UGT3A1: variants seen among roughly 807,000 people sequenced by gnomAD.
UGT3A1 encodes UDP-glycosyltransferase 3A1.
In UGT3A1, 40 loss-of-function variants were observed where a neutral mutation model predicts 37.6. The observed-to-expected ratio is 1.06, with a 90% CI of 0.83 to 1.38. UGT3A1 has a LOEUF of 1.38. Ranked by LOEUF, UGT3A1 falls within the 40% of genes most tolerant of loss-of-function variation. The probability of loss-of-function intolerance (pLI) is 0.00; values close to 1 mark genes in which losing one functional copy is unlikely to be tolerated. For synonymous variants in UGT3A1, 256 were observed against 232.3 expected (o/e 1.10, Z -0.93); for missense variants, 642 against 634.2 (o/e 1.01, Z -0.13).
intron 2 of UGT3A1, among the ~76,000 whole-genome samples, chr5:35,976,345 C>G (rs961046619): frequency 6.6e-6 from 1 of 152,122 alleles, no homozygotes; most frequent in Non-Finnish European, 1.5e-5. Context: ...TAGGGCATCT[C>G]TAAGTATTAA....
rs372069431 is a variant in UGT3A1 at position 35,991,185 on chromosome 5, A to T, written c.56T>A (p.Leu19His). ...TGTCAGGATTTTGGCAGCCTCTGAG[A>T]GCAGGACCCCAGAAAGAAGGAAGGC... is the stretch of plus-strand genomic sequence containing the variant. ...LVAFLLSGVL[L>H]SEAAKILTIS... Residue 19 changes from leucine to histidine, a missense_variant, in exon 1 of 7, where the codon CTC (leucine) becomes CAC (histidine). Transcript: ENST00000274278. The T allele has an allele frequency of 2.2e-5, 36 of 1,614,092 alleles. No individual in the cohort carries two copies. The African/African-American group carries it at 4.0e-4, about 18-fold the overall frequency.
chr5:35,956,136 CTCCA>C (rs1256687566), intron 5 of UGT3A1, among the ~76,000 whole-genome samples: 5 of 152,334 alleles, frequency 3.3e-5, no homozygotes, highest in Middle Eastern at 3.4e-3. Flanking sequence ...AGGCATATTT[CTCCA>C]TCCATGCAGC....
At chr5:35,969,114 A>G (rs1293555894) in intron 2 of UGT3A1, among the ~76,000 whole-genome samples, 1 of 152,176 alleles carries the variant, frequency 6.6e-6, no homozygotes. Flanking sequence ...CATTGTAAAG[A>G]GCACTCAGGG....
chr5:35,990,955 T>C lies in UGT3A1; in HGVS notation c.94+192A>G, dbSNP rs894054261. ...GGAGAGTGTCTTTTCTCAAAAACTG[T>C]CTTCCTCACCTCAGCAATAGAGGCC... is the stretch of plus-strand genomic sequence containing the variant. On this transcript the variant is annotated intron_variant, in intron 1 of 6. Coordinates refer to ENST00000274278, the MANE Select transcript of UGT3A1 (RefSeq NM_152404.4). The C allele has an allele frequency of 6.1e-6, 9 of 1,472,364 alleles. No individual in the cohort carries two copies. In the African/African-American group the frequency reaches 1.1e-4, roughly 19 times the overall value. The allele number at this position is 1,472,364 out of a possible 1,614,324, so 91.2% of individuals were successfully genotyped here. A position where few individuals can be genotyped will look rare whatever the true frequency, so the allele number is the denominator to read the frequency against.
chr5:35,996,022 CAA>C (rs111488776), upstream of UGT3A1, among the ~76,000 whole-genome samples: 110 of 111,122 alleles, frequency 9.9e-4, no homozygotes, highest in Middle Eastern at 5.0e-3. Context: ...TGCGCTATGA[CAA>C]AAAAAAAAAA....
At chr5:35,969,407 A>G (rs756776975) in intron 2 of UGT3A1, among the ~76,000 whole-genome samples, 1 of 152,188 alleles carries the variant, frequency 6.6e-6, no homozygotes, top group Non-Finnish European at 1.5e-5. Context: ...AAGGTCTCTA[A>G]CCTTGCTGAT....
At position 35,991,387 on chromosome 5, in the gene UGT3A1, T is replaced by C. The variant is rs750993126; in HGVS notation, c.-147A>G. The C allele has an allele frequency of 1.0e-4, 148 of 1,468,856 alleles. No homozygotes were observed. Among genetic ancestry groups the C allele is most frequent in the Non-Finnish European group, 1.3e-4 (146 of 1,109,758 alleles). 91.0% of individuals were successfully genotyped at this position (1,468,856 alleles called of 1,614,324 possible). A position where few individuals can be genotyped will look rare whatever the true frequency, so the allele number is the denominator to read the frequency against. Reference sequence around the variant, plus strand: ...ACGGATCCTGCCAATTCTCTCGCCCTTCTGTTCGTTCTCTTTCCCGCTGCC... The same window carrying C: ...ACGGATCCTGCCAATTCTCTCGCCCCTCTGTTCGTTCTCTTTCCCGCTGCC... On this transcript the variant is annotated 5_prime_UTR_variant, in exon 1 of 7. Coordinates refer to ENST00000274278, the MANE Select transcript of UGT3A1 (RefSeq NM_152404.4).
intron 1 of UGT3A1, 125 bp from the exon 2 acceptor site, chr5:35,988,676 GAGA>G (rs1391430735): frequency 1.5e-6 from 1 of 680,340 alleles, no homozygotes; most frequent in African/African-American, 1.8e-5. Flanking sequence ...TGTGAACAGT[GAGA>G]AGATGGAGAT....
chr5:35,994,520 G>T (rs2111579390), upstream of UGT3A1, among the ~76,000 whole-genome samples: 1 of 152,188 alleles, frequency 6.6e-6, no homozygotes, highest in Non-Finnish European at 1.5e-5. Context: ...TCACATGAGG[G>T]TGATGGAGAG....
chr5:35,975,502 T>C (rs1740229421), intron 2 of UGT3A1, among the ~76,000 whole-genome samples: 1 of 152,192 alleles, frequency 6.6e-6, no homozygotes, highest in Admixed American at 6.6e-5. Flanking sequence ...ACTTACAAAA[T>C]GCTTTATCTA....
chr5:35,982,636 T>A (rs2149984931), intron 2 of UGT3A1, among the ~76,000 whole-genome samples: 1 of 152,368 alleles, frequency 6.6e-6, no homozygotes, highest in South Asian at 2.1e-4. Context: ...CTCGTCTTGC[T>A]TCAGATGAGA....
chr5:35,957,173 CT>C lies in UGT3A1; in HGVS notation c.1075+14del, dbSNP rs755527606. ...GGTCAATGGAAAGAGAAGAGCAGAC[CT>C]AAGCAGTCCTTACCCAGGAGGTCAC... On this transcript the variant is annotated intron_variant, in intron 5 of 6. Transcript: ENST00000274278. 6.2e-6 allele frequency: 10 copies of C among 1,610,494 alleles called. No individual in the cohort carries two copies. Among genetic ancestry groups the C allele is most frequent in the Non-Finnish European group, 7.6e-6 (9 of 1,177,146 alleles).
chr5:35,998,601 T>C (rs1741148540), intron 1 of UGT3A1, among the ~76,000 whole-genome samples: 1 of 152,234 alleles, frequency 6.6e-6, no homozygotes, highest in South Asian at 2.1e-4. Flanking sequence ...TTGTAATGAT[T>C]GACTGACTTG....
rs1739761613 is a variant in UGT3A1, at chr5:35,965,477, G to A, written c.752C>T (p.Ser251Phe). 6.2e-7 allele frequency: 1 copy of A among 1,614,096 alleles called. No homozygotes were observed. The highest frequency in any genetic ancestry group is 8.5e-7 in the Non-Finnish European group (1 of 1,180,038). Residue 251 changes from serine to phenylalanine, a missense_variant, in exon 4 of 7, where the codon TCT becomes TTT. Coordinates refer to ENST00000274278, the MANE Select transcript of UGT3A1 (RefSeq NM_152404.4). Reference sequence around the variant, plus strand: ...CCGGGCAAAATCAAAGGCAAAATCAGAGTTAACAAACCACAACTCTGCTTT... The same window carrying A: ...CCGGGCAAAATCAAAGGCAAAATCAAAGTTAACAAACCACAACTCTGCTTT... ...LLKAELWFVN[S>F]DFAFDFARPL...
At chr5:35,957,052 T>C (rs1739381564) in intron 5 of UGT3A1, 136 bp downstream of exon 5, 2 of 676,352 alleles carry the variant, frequency 3.0e-6, no homozygotes, top group Non-Finnish European at 5.0e-6. Flanking sequence ...GTTCTTTTCC[T>C]GTCCTCTGAG....
In UGT3A1 at chr5:35,977,130, G is replaced by A. The variant is rs1458825480; in HGVS notation, c.197-8997C>T. Reference sequence around the variant, plus strand: ...AGAAAGAGAGAAAGAAAAGAAGGAAGGAAGGAAAGAAGGAAGGAAGGAAGA... The same window carrying A: ...AGAAAGAGAGAAAGAAAAGAAGGAAAGAAGGAAAGAAGGAAGGAAGGAAGA... On this transcript the variant is annotated intron_variant, in intron 2 of 6. Coordinates refer to ENST00000274278, the MANE Select transcript of UGT3A1 (RefSeq NM_152404.4). Among the ~76,000 whole-genome samples, 8 of 149,612 alleles carry A rather than the reference G, an allele frequency of 5.3e-5. No homozygotes were observed. In the East Asian group the frequency reaches 1.4e-3, roughly 26 times the overall value.
chr5:35,965,372 G>T lies in UGT3A1; in HGVS notation c.843+14C>A, dbSNP rs193003642. The stretch of plus-strand genomic sequence containing the variant: ...CTATGTGAATCCCAAACTGAATGCT[G>T]AGGGTTCACTTACTTGTGGTACTGG... On this transcript the variant is annotated intron_variant, in intron 4 of 6. Transcript: ENST00000274278. 2.4e-4 allele frequency: 382 copies of T among 1,610,154 alleles called. No homozygotes were observed. Among genetic ancestry groups the T allele is most frequent in the Non-Finnish European group, 3.2e-4 (375 of 1,177,452 alleles).
chr5:36,000,220 A>G (rs912657223), intron 1 of UGT3A1, among the ~76,000 whole-genome samples: 3 of 152,242 alleles, frequency 2.0e-5, no homozygotes, highest in African/African-American at 7.2e-5. Flanking sequence ...TTATGAAATT[A>G]GAACAGGAAG....
Position 35,965,841 on chromosome 5 carries a change from T to C in UGT3A1, c.388A>G (p.Ile130Val), listed in dbSNP as rs1201076795. 6.2e-7 allele frequency: 1 copy of C among 1,613,214 alleles called. No individual in the cohort carries two copies. Residue 130 changes from isoleucine (I) to valine (V), a missense_variant, in exon 4 of 7, where the codon ATA becomes GTA. Physicochemically the swap from Ile to Val is conservative, Grantham distance 29. Transcript: ENST00000274278. ...TTCTCATTCTTTAAGGAATCCATTA[T>C]ATCCTTTCTGCTTAGCAAATAACTA... ...QCSYLLSRKDIMDSLKNENYD... is the reference protein window; with the variant it reads ...QCSYLLSRKDVMDSLKNENYD...
Sources: gnomAD v4.1 joint callset for allele counts (sites outside exome capture counted in the v4.1 genomes callset) on GRCh38, gnomAD v4.1.1 for gene constraint, MANE v1.5 for transcripts, NCBI Gene and HGNC (gene_info 2026-07-23, HGNC 2026-07-21) for gene names.